HERC4: variants seen among roughly 807,000 people sequenced by gnomAD.
The protein encoded by HERC4 is probable E3 ubiquitin-protein ligase HERC4.
In HERC4, 28 loss-of-function variants were observed where a neutral mutation model predicts 124.3. That is an observed-to-expected ratio of 0.23 (90% CI 0.17 to 0.31). The LOEUF is 0.31. Among genes scored for constraint, HERC4 ranks in the 10% least tolerant of loss-of-function variants. HERC4 has a pLI of 1.00. For synonymous variants in HERC4, 407 were observed against 421.5 expected, an observed-to-expected ratio of 0.97 and a Z score of 0.42; for missense variants, 713 against 1,229.3, an observed-to-expected ratio of 0.58 and a Z score of 6.28.
chr10:68,062,362 C>T (rs113072962), intron 3 of HERC4, among the ~76,000 whole-genome samples: 2,150 of 152,170 alleles, frequency 0.014, 50 homozygotes, highest in African/African-American at 0.049. Context: ...TGGCTCTTTC[C>T]GTTACATTTA....
chr10:67,925,229 T>G, intron 23 of HERC4, 42 bp from the exon 24 acceptor site: 1 of 1,111,780 alleles, frequency 9.0e-7, no homozygotes, highest in Admixed American at 1.9e-5. Flanking sequence ...AGGGACACAC[T>G]GGCTAATATA....
rs1564571280 is a variant in HERC4, at chr10:68,032,769, GT to G, written c.777+8del. 1 of 1,411,820 alleles carries G rather than the reference GT, an allele frequency of 7.1e-7. No individual in the cohort carries two copies. Among genetic ancestry groups the G allele is most frequent in the South Asian group, 1.2e-5 (1 of 86,554 alleles). The allele number at this position is 1,411,820 out of a possible 1,614,324, so 87.5% of individuals were successfully genotyped here. A position where few individuals can be genotyped will look rare whatever the true frequency, so the allele number is the denominator to read the frequency against. ...GAGTAATAATAAAGAAGTTTTAGAA[GT>G]ACAATACCTTGGTTAGAGCAGCAGT... On this transcript the variant is annotated splice_region_variant and intron_variant, in intron 7 of 24. Transcript: ENST00000373700.
At chr10:67,967,189 T>G (rs1276875329) in intron 15 of HERC4, among the ~76,000 whole-genome samples, 1 of 152,110 alleles carries the variant, frequency 6.6e-6, no homozygotes, top group African/African-American at 2.4e-5. Context: ...AAGAAAAAAA[T>G]GCTTTGGGGA....
chr10:68,000,361 T>C (rs2037152405), intron 9 of HERC4, among the ~76,000 whole-genome samples: 1 of 152,086 alleles, frequency 6.6e-6, no homozygotes, highest in African/African-American at 2.4e-5. Context: ...GCACATTGCT[T>C]GAGCTCAGAA....
chr10:68,042,495 C>T (rs530088479), intron 4 of HERC4, among the ~76,000 whole-genome samples: 1 of 152,240 alleles, frequency 6.6e-6, no homozygotes, highest in South Asian at 2.1e-4. Context: ...TAGTGGTGCA[C>T]GCCTATAGTC....
At chr10:67,960,237 C>A (rs561197121) in intron 16 of HERC4, among the ~76,000 whole-genome samples, 28 of 152,174 alleles carry the variant, frequency 1.8e-4, no homozygotes, top group Non-Finnish European at 3.4e-4. Context: ...CACATCTATG[C>A]CAGGAAAGTA....
At chr10:68,009,551 G>A (rs1302377233) in intron 9 of HERC4, among the ~76,000 whole-genome samples, 4 of 152,144 alleles carry the variant, frequency 2.6e-5, no homozygotes, top group African/African-American at 9.7e-5. Context: ...ACTTTTTGTT[G>A]ATGGAGAGTC....
intron 15 of HERC4, among the ~76,000 whole-genome samples, chr10:67,975,856 G>A (rs2132565039): frequency 6.6e-6 from 1 of 151,910 alleles, no homozygotes; most frequent in East Asian, 1.9e-4. Context: ...TATATCTGTG[G>A]CCAGGATACT....
At chr10:67,954,095 T>C (rs925513633) in intron 19 of HERC4, 1 of 152,268 alleles carries the variant, frequency 6.6e-6, no homozygotes, top group African/African-American at 2.4e-5. Context: ...TGGGGTTTCC[T>C]GGACATAAGG....
intron 23 of HERC4, among the ~76,000 whole-genome samples, chr10:67,928,174 G>A (rs568204295): frequency 1.3e-5 from 2 of 152,244 alleles, no homozygotes; most frequent in African/African-American, 4.8e-5. Context: ...ATAAGGCTGA[G>A]GCAGAGTGAG....
Position 67,925,200 on chromosome 10 carries a change from T to C in HERC4, c.2839-13A>G, listed in dbSNP as rs1554894721. The C allele has an allele frequency of 2.1e-6, 3 of 1,427,566 alleles. No homozygotes were observed. The highest frequency in any genetic ancestry group is 3.0e-6 in the Non-Finnish European group (3 of 1,012,280). The allele number at this position is 1,427,566 out of a possible 1,614,324, so 88.4% of individuals were successfully genotyped here. On this transcript the variant is annotated splice_polypyrimidine_tract_variant and intron_variant, in intron 23 of 24. Transcript: ENST00000373700. ...TGTATTCTGTATTCTAAAAACAACA[T>C]AATCTTTTATTAGTATTAAGGGACA...
chr10:67,990,742 T>A (rs2036507945), intron 13 of HERC4, among the ~76,000 whole-genome samples, 162 bp downstream of exon 13: 1 of 152,244 alleles, frequency 6.6e-6, no homozygotes, highest in Middle Eastern at 3.4e-3. Flanking sequence ...GATTTATAGA[T>A]CTTTGACAGC....
intron 5 of HERC4, among the ~76,000 whole-genome samples, chr10:68,036,661 T>C (rs138359505): frequency 6.6e-6 from 1 of 152,262 alleles, no homozygotes; most frequent in East Asian, 1.9e-4. Flanking sequence ...CATGCCAATA[T>C]TCAAATACAC....
rs542451954 is a variant in HERC4, at chr10:68,040,444, G to A, written c.387-2275C>T. On this transcript the variant is annotated intron_variant, in intron 4 of 24. Transcript: ENST00000373700. ...AAAATACTGTGAATGGTAAAACAAG[G>A]CTTCCCATGTTCCATTTTTTCTAAA... is the stretch of plus-strand genomic sequence containing the variant. The A allele has an allele frequency of 9.7e-5, 84 of 862,894 alleles. No individual in the cohort carries two copies. In the African/African-American group the frequency reaches 1.4e-3, roughly 14 times the overall value. 53.5% of individuals were successfully genotyped at this position (862,894 alleles called of 1,614,324 possible).
chr10:67,923,265 C>A, intron 24 of HERC4, 126 bp from the exon 25 acceptor site: 2 of 647,218 alleles, frequency 3.1e-6, no homozygotes, highest in Admixed American at 2.9e-5. Context: ...TATCTTACTT[C>A]CTAATTTGTG....
At chr10:68,063,040 T>G (rs2041111195) in intron 3 of HERC4, among the ~76,000 whole-genome samples, 1 of 152,182 alleles carries the variant, frequency 6.6e-6, no homozygotes. Flanking sequence ...TGTTGCCATC[T>G]GCTTAGTATA....
intron 19 of HERC4, among the ~76,000 whole-genome samples, chr10:67,941,985 G>T (rs1272546716): frequency 1.3e-5 from 2 of 151,982 alleles, no homozygotes; most frequent in East Asian, 3.9e-4. Flanking sequence ...GCTGCATATT[G>T]TATCATAAAA....
chr10:68,004,408 C>T (rs1158374560), intron 9 of HERC4, among the ~76,000 whole-genome samples: 1 of 152,052 alleles, frequency 6.6e-6, no homozygotes, highest in African/African-American at 2.4e-5. Flanking sequence ...GATGTGATCC[C>T]ATTTGTCCAC....
intron 23 of HERC4, among the ~76,000 whole-genome samples, chr10:67,930,846 A>AT (rs1369518351): frequency 1.3e-5 from 2 of 151,818 alleles, no homozygotes; most frequent in African/African-American, 4.8e-5. Flanking sequence ...CACCTGGCTA[A>AT]TTTTTGTATT....
Sources: gnomAD v4.1 joint callset for allele counts (sites outside exome capture counted in the v4.1 genomes callset) on GRCh38, gnomAD v4.1.1 for gene constraint, MANE v1.5 for transcripts, NCBI Gene and HGNC (gene_info 2026-07-23, HGNC 2026-07-21) for gene names.